Variants in HS6ST2 observed in about 807,000 individuals in gnomAD.
HS6ST2 encodes the protein heparan-sulfate 6-O-sulfotransferase 2.
In HS6ST2, 17 loss-of-function variants were observed where a neutral mutation model predicts 33.0. The observed-to-expected ratio is 0.52, with a 90% CI of 0.35 to 0.77. HS6ST2 has a LOEUF of 0.77. Among genes scored for constraint, HS6ST2 ranks in the 30% least tolerant of loss-of-function variants. HS6ST2 has a pLI of 0.01. For missense variants in HS6ST2, 519 were observed against 551.7 expected (o/e 0.94, Z 0.59); for synonymous variants, 248 against 237.1 (o/e 1.05, Z -0.42).
intron 4 of HS6ST2, among the ~76,000 whole-genome samples, chrX:132,636,581 G>A (rs374151041): frequency 1.6e-4 from 18 of 112,080 alleles, no homozygotes; most frequent in African/African-American, 5.5e-4. Flanking sequence ...AATCATTTAG[G>A]TCAAACCCTT....
At chrX:132,949,984 A>T (rs1455948453) in intron 2 of HS6ST2, among the ~76,000 whole-genome samples, 1 of 111,470 alleles carries the variant, frequency 9.0e-6, no homozygotes, top group Non-Finnish European at 1.9e-5. Flanking sequence ...AAGGACATTT[A>T]AGTGGTTTTG....
At chrX:132,776,075 A>T (rs898198862) in intron 2 of HS6ST2, among the ~76,000 whole-genome samples, 7 of 112,092 alleles carry the variant, frequency 6.2e-5, no homozygotes, top group Admixed American at 3.8e-4. Flanking sequence ...AAATGAAAAA[A>T]AAGTTTTTTC....
intron 2 of HS6ST2, among the ~76,000 whole-genome samples, chrX:132,739,799 C>T (rs1448909754): frequency 9.0e-6 from 1 of 110,955 alleles, no homozygotes; most frequent in Non-Finnish European, 1.9e-5. Context: ...AAATATTATG[C>T]CATAAGCGTT....
At chrX:132,789,914 A>C (rs913960085) in intron 2 of HS6ST2, among the ~76,000 whole-genome samples, 1 of 112,350 alleles carries the variant, frequency 8.9e-6, no homozygotes, top group African/African-American at 3.2e-5. Flanking sequence ...CTGCTTCTTA[A>C]GGATTAGCAA....
At chrX:132,861,357 A>T (rs1183696567) in intron 2 of HS6ST2, among the ~76,000 whole-genome samples, 6 of 112,058 alleles carry the variant, frequency 5.4e-5, no homozygotes, top group African/African-American at 1.9e-4. Context: ...TATTTAATAT[A>T]TGGCCTTTCC....
chrX:132,857,483 CA>C (rs1267173518), intron 2 of HS6ST2, among the ~76,000 whole-genome samples: 18 of 56,836 alleles, frequency 3.2e-4, no homozygotes, highest in East Asian at 4.9e-4. Flanking sequence ...GACTCTGTCT[CA>C]AAAAAAAAAA....
intron 2 of HS6ST2, among the ~76,000 whole-genome samples, chrX:132,723,848 T>C (rs952490315): frequency 3.6e-5 from 4 of 111,938 alleles, no homozygotes; most frequent in Non-Finnish European, 3.8e-5. Flanking sequence ...ATGAAACTTG[T>C]AGTTTTGGCC....
intron 2 of HS6ST2, among the ~76,000 whole-genome samples, chrX:132,884,349 A>T (rs778004084): frequency 8.9e-6 from 1 of 112,059 alleles, no homozygotes; most frequent in African/African-American, 3.2e-5. Flanking sequence ...ATAAATTTGA[A>T]AGTCCAAATT....
chrX:132,951,016 T>C (rs1841172848), intron 2 of HS6ST2, among the ~76,000 whole-genome samples: 2 of 110,585 alleles, frequency 1.8e-5, no homozygotes, highest in African/African-American at 6.6e-5. Context: ...AGAGCCCCAG[T>C]TGTCACCTCC....
At chrX:132,861,559 C>T (rs1396325947) in intron 2 of HS6ST2, among the ~76,000 whole-genome samples, 1 of 112,527 alleles carries the variant, frequency 8.9e-6, no homozygotes, top group African/African-American at 3.2e-5. Context: ...CAGTTTTCTG[C>T]CTTATCTTCA....
intron 2 of HS6ST2, among the ~76,000 whole-genome samples, chrX:132,764,062 G>A (rs1033914008): frequency 3.6e-5 from 4 of 112,206 alleles, no homozygotes; most frequent in Non-Finnish European, 7.5e-5. Flanking sequence ...GACAATTCTT[G>A]TAACATGGTT....
At chrX:132,666,481 T>C (rs1230103978) in intron 4 of HS6ST2, among the ~76,000 whole-genome samples, 1 of 111,790 alleles carries the variant, frequency 8.9e-6, no homozygotes, top group African/African-American at 3.3e-5. Context: ...TTCATTTGGA[T>C]ACCTCAGGTG....
Position 132,957,383 on chromosome X carries a change from GC to G in HS6ST2, c.429-58del, listed in dbSNP as rs1231115668. The G allele has an allele frequency of 5.6e-5, 61 of 1,090,029 alleles. No individual in the cohort carries two copies. In the East Asian group the frequency reaches 1.4e-3, roughly 26 times the overall value. 89.8% of individuals were successfully genotyped at this position (1,090,029 alleles called of 1,213,427 possible). A position where few individuals can be genotyped will look rare whatever the true frequency, so the allele number is the denominator to read the frequency against. ...CCGCAGCTCAGCCCGCGCTCGTCGT[GC>G]CCCCGCACCGCCCCCTTCCCCTGGA... On this transcript the variant is annotated intron_variant, in intron 1 of 4. Coordinates refer to ENST00000370833, the MANE Select transcript of HS6ST2 (RefSeq NM_001394073.1).
At chrX:132,649,856 TAA>T (rs754644654) in intron 4 of HS6ST2, among the ~76,000 whole-genome samples, 45 of 87,494 alleles carry the variant, frequency 5.1e-4, no homozygotes, top group African/African-American at 9.1e-4. Context: ...AGACTCTATC[TAA>T]AAAAAAAAAA....
chrX:132,639,078 T>G (rs1247561140), intron 4 of HS6ST2, among the ~76,000 whole-genome samples: 1 of 112,431 alleles, frequency 8.9e-6, no homozygotes, highest in African/African-American at 3.2e-5. Context: ...AGCAGAAATT[T>G]TTTTCCTTTG....
At chrX:132,882,686 G>C (rs1030548040) in intron 2 of HS6ST2, among the ~76,000 whole-genome samples, 1 of 109,754 alleles carries the variant, frequency 9.1e-6, no homozygotes, top group African/African-American at 3.3e-5. Flanking sequence ...GTGAGAGAGG[G>C]CATCCCTGTC....
intron 2 of HS6ST2, among the ~76,000 whole-genome samples, chrX:132,750,283 A>T (rs2064690005): frequency 9.4e-6 from 1 of 106,323 alleles, no homozygotes; most frequent in Non-Finnish European, 1.9e-5. Flanking sequence ...ATAAATGTTG[A>T]CTGACTTGAA....
chrX:132,674,865 T>C (rs778327224), intron 3 of HS6ST2, among the ~76,000 whole-genome samples: 6 of 111,452 alleles, frequency 5.4e-5, no homozygotes, highest in Admixed American at 9.6e-5. Context: ...ACCATAGTTA[T>C]GGAATTGGAT....
At chrX:132,954,401 C>A (rs1035377354) in intron 2 of HS6ST2, among the ~76,000 whole-genome samples, 1 of 111,790 alleles carries the variant, frequency 8.9e-6, no homozygotes, top group East Asian at 2.8e-4. Context: ...ATTTCACCAT[C>A]GGTGCAGCTG....
Sources: allele counts gnomAD v4.1 joint callset (sites outside exome capture counted in the v4.1 genomes callset), GRCh38; gene constraint gnomAD v4.1.1; transcripts MANE v1.5; gene names NCBI Gene and HGNC (gene_info 2026-07-23, HGNC 2026-07-21).